Variants in SLC39A11 observed in about 807,000 individuals in gnomAD.
The protein encoded by SLC39A11 is solute carrier family 39 member 11.
Under a neutral mutation model 36.1 loss-of-function variants are expected in SLC39A11, and 33 were observed. The ratio of observed to expected loss-of-function variants is 0.91; its 90% CI spans 0.69 to 1.22. SLC39A11 has a LOEUF of 1.22. SLC39A11 is among the 50% of genes most tolerant of loss of function. The probability of loss-of-function intolerance (pLI) is 0.00; values close to 1 mark genes in which losing one functional copy is unlikely to be tolerated. For missense variants in SLC39A11, 432 were observed against 430.3 expected, an observed-to-expected ratio of 1.00 and a Z score of -0.03; for synonymous variants, 166 against 170.3, an observed-to-expected ratio of 0.97 and a Z score of 0.20.
At chr17:72,929,404 G>A (rs1227051317) in intron 5 of SLC39A11, among the ~76,000 whole-genome samples, 2 of 152,088 alleles carry the variant, frequency 1.3e-5, no homozygotes, top group African/African-American at 2.4e-5. Context: ...GTTTTTATCG[G>A]GTGCTCGGGT....
chr17:73,072,712 A>G (rs1413859556), intron 3 of SLC39A11, among the ~76,000 whole-genome samples: 2 of 152,128 alleles, frequency 1.3e-5, no homozygotes, highest in African/African-American at 4.8e-5. Flanking sequence ...AGGGAGCCTC[A>G]AGCCCACAAA....
At chr17:73,020,092 A>C (rs757640051) in intron 4 of SLC39A11, among the ~76,000 whole-genome samples, 10 of 152,250 alleles carry the variant, frequency 6.6e-5, no homozygotes, top group Non-Finnish European at 1.3e-4. Context: ...TTATGTTTGG[A>C]AAATTTTCAC....
In SLC39A11 at chr17:72,703,584, C is replaced by T. The variant is rs542627411; in HGVS notation, c.671+33066G>A. Among the ~76,000 whole-genome samples, 30 of 152,264 alleles carry T rather than the reference C, an allele frequency of 2.0e-4. 2 individuals are homozygous for T. In the South Asian group the frequency reaches 6.0e-3, roughly 31 times the overall value. ...AACACACAGAGTAAGGTTTCCTGCC[C>T]CCACTTTTCTGATGATCTGTTTCTC... On this transcript the variant is annotated intron_variant, in intron 7 of 9. Coordinates refer to ENST00000255559, the MANE Select transcript of SLC39A11 (RefSeq NM_139177.4).
intron 4 of SLC39A11, among the ~76,000 whole-genome samples, chr17:72,992,311 G>A (rs565747255): frequency 4.6e-5 from 7 of 152,270 alleles, no homozygotes; most frequent in African/African-American, 1.2e-4. Context: ...CCGAGATCAC[G>A]CCATTGCACT....
chr17:73,069,941 A>G (rs2060111312), intron 3 of SLC39A11, among the ~76,000 whole-genome samples: 2 of 152,238 alleles, frequency 1.3e-5, no homozygotes, highest in African/African-American at 2.4e-5. Flanking sequence ...CTTCACAAAT[A>G]TCTTTGGGAA....
intron 6 of SLC39A11, among the ~76,000 whole-genome samples, chr17:72,742,841 T>C (rs2074769920): frequency 6.6e-6 from 1 of 152,226 alleles, no homozygotes; most frequent in East Asian, 1.9e-4. Flanking sequence ...CTGCTGATTC[T>C]CCCATTGAGT....
At chr17:72,706,991 G>A (rs746490801) in intron 7 of SLC39A11, among the ~76,000 whole-genome samples, 2 of 152,232 alleles carry the variant, frequency 1.3e-5, no homozygotes, top group Admixed American at 6.5e-5. Flanking sequence ...TGGGTTATGT[G>A]TGGCCGTTGA....
intron 7 of SLC39A11, among the ~76,000 whole-genome samples, chr17:72,678,541 C>G (rs557746591): frequency 6.6e-6 from 1 of 152,092 alleles, no homozygotes; most frequent in East Asian, 1.9e-4. Context: ...TCCGTCTCTA[C>G]TAAAAATACA....
intron 6 of SLC39A11, among the ~76,000 whole-genome samples, chr17:72,747,003 C>T (rs1310481377): frequency 1.3e-5 from 2 of 152,060 alleles, no homozygotes; most frequent in South Asian, 2.1e-4. Context: ...GCTATGATCG[C>T]ACCACTGCAC....
At chr17:72,933,834 T>G (rs2084578342) in intron 5 of SLC39A11, among the ~76,000 whole-genome samples, 1 of 152,170 alleles carries the variant, frequency 6.6e-6, no homozygotes, top group African/African-American at 2.4e-5. Context: ...TAGGATTTTT[T>G]GTAGATATTG....
At position 72,821,942 on chromosome 17, in the gene SLC39A11, G is replaced by C. The variant is rs989310037; in HGVS notation, c.601+27692C>G. On this transcript the variant is annotated intron_variant, in intron 6 of 9. Transcript: ENST00000255559. ...CTTCCCTGGGTCCATTCCCCTGTGG[G>C]AGACCAAGCCATTGGTGTACACTGA... 5.3e-5 allele frequency: 8 copies of C among 151,436 alleles called. 1 individual carries two copies. Among genetic ancestry groups the C allele is most frequent in the Non-Finnish European group, 1.2e-4 (8 of 67,582 alleles). 9.4% of individuals were successfully genotyped at this position (151,436 alleles called of 1,614,324 possible). A position where few individuals can be genotyped will look rare whatever the true frequency, so the allele number is the denominator to read the frequency against.
intron 4 of SLC39A11, among the ~76,000 whole-genome samples, chr17:73,000,969 CG>C (rs2089787707): frequency 6.6e-6 from 1 of 152,074 alleles, no homozygotes; most frequent in South Asian, 2.1e-4. Flanking sequence ...CTGTGGCAGC[CG>C]TAATTCATTC....
chr17:72,981,270 C>T (rs970373642), intron 4 of SLC39A11, among the ~76,000 whole-genome samples: 2 of 152,048 alleles, frequency 1.3e-5, no homozygotes, highest in African/African-American at 4.8e-5. Context: ...TATAGCCCAT[C>T]TCAATCTGGA....
chr17:72,951,814 G>A lies in SLC39A11; in HGVS notation c.307-3939C>T, dbSNP rs547880954. 7.2e-5 allele frequency among the ~76,000 whole-genome samples: 11 copies of A among 152,238 alleles called. No individual in the cohort carries two copies. The East Asian group carries it at 1.9e-3, about 27-fold the overall frequency. ...TTCCTTTAGGGAAGATGCCAAGAGA[G>A]GTCTTTGTGGGAAGATGGTATTTGT... is the stretch of plus-strand genomic sequence containing the variant. On this transcript the variant is annotated intron_variant, in intron 4 of 9. Transcript: ENST00000255559.
intron 6 of SLC39A11, among the ~76,000 whole-genome samples, chr17:72,799,422 TCTGA>T: frequency 6.6e-6 from 1 of 152,178 alleles, no homozygotes; most frequent in African/African-American, 2.4e-5. Context: ...AACCATAAGG[TCTGA>T]CTGCCTGTGG....
intron 6 of SLC39A11, among the ~76,000 whole-genome samples, chr17:72,812,162 C>T (rs748539307): frequency 3.9e-4 from 59 of 152,050 alleles, no homozygotes; most frequent in Non-Finnish European, 7.6e-4. Flanking sequence ...AAATAAGATA[C>T]TATTATGCTT....
intron 3 of SLC39A11, among the ~76,000 whole-genome samples, chr17:73,061,255 G>A (rs2059831512): frequency 6.6e-6 from 1 of 152,126 alleles, no homozygotes; most frequent in African/African-American, 2.4e-5. Flanking sequence ...AGCTACTCAG[G>A]AGACTGAGGC....
At chr17:72,888,524 A>T (rs1034065621) in intron 5 of SLC39A11, among the ~76,000 whole-genome samples, 1 of 152,108 alleles carries the variant, frequency 6.6e-6, no homozygotes, top group Non-Finnish European at 1.5e-5. Flanking sequence ...GCTTCTAAAC[A>T]TTTTAGAAGG....
chr17:73,060,083 C>T (rs1458379684), intron 3 of SLC39A11, among the ~76,000 whole-genome samples: 1 of 151,774 alleles, frequency 6.6e-6, no homozygotes, highest in Non-Finnish European at 1.5e-5. Context: ...GTGGTGGGTG[C>T]CTGTAATCCC....
Sources: gnomAD v4.1 joint callset for allele counts (sites outside exome capture counted in the v4.1 genomes callset) on GRCh38, gnomAD v4.1.1 for gene constraint, MANE v1.5 for transcripts, NCBI Gene and HGNC (gene_info 2026-07-23, HGNC 2026-07-21) for gene names.